BCAR3: variants seen among roughly 807,000 people sequenced by gnomAD.
BCAR3 encodes the protein BCAR3 adaptor protein, NSP family member, also known as breast cancer anti-estrogen resistance protein 3.
BCAR3 carries 37 observed loss-of-function variants against 80.1 expected under a neutral mutation model. The observed-to-expected ratio is 0.46, with a 90% CI of 0.36 to 0.61. The LOEUF (loss-of-function observed/expected upper bound fraction) is 0.61. BCAR3 is among the 20% of genes least tolerant of loss of function. The pLI is 0.00. For missense variants in BCAR3, 978 were observed against 1,068.2 expected (o/e 0.92, Z 1.18); for synonymous variants, 389 against 418.9 (o/e 0.93, Z 0.87).
chr1:93,663,868 T>C (rs1647774217), intron 2 of BCAR3, among the ~76,000 whole-genome samples: 1 of 152,228 alleles, frequency 6.6e-6, no homozygotes, highest in Non-Finnish European at 1.5e-5. Flanking sequence ...GCTATCTGGA[T>C]GGCCACATAC....
intron 2 of BCAR3, among the ~76,000 whole-genome samples, chr1:93,708,089 A>T (rs1649886718): frequency 6.6e-6 from 1 of 152,180 alleles, no homozygotes; most frequent in Non-Finnish European, 1.5e-5. Flanking sequence ...AGGTTTCAAG[A>T]AGGAAATGGA....
intron 2 of BCAR3, among the ~76,000 whole-genome samples, chr1:93,819,373 A>AT (rs1247254688): frequency 3.9e-5 from 6 of 152,282 alleles, no homozygotes; most frequent in Admixed American, 3.3e-4. Context: ...CGGGTCGCCC[A>AT]TTTTAAACTG....
intron 2 of BCAR3, among the ~76,000 whole-genome samples, chr1:93,769,346 TG>T (rs1652268972): frequency 6.8e-6 from 1 of 147,392 alleles, no homozygotes; most frequent in African/African-American, 2.5e-5. Flanking sequence ...ACTAAATATG[TG>T]GGTAGGAATG....
At chr1:93,765,855 T>TG (rs1232978083) in intron 2 of BCAR3, among the ~76,000 whole-genome samples, 1 of 151,922 alleles carries the variant, frequency 6.6e-6, no homozygotes, top group African/African-American at 2.4e-5. Flanking sequence ...TTAGTAGAGA[T>TG]GGGGTTTCAC....
intron 2 of BCAR3, among the ~76,000 whole-genome samples, chr1:93,742,372 A>G (rs774681107): frequency 6.6e-6 from 1 of 152,216 alleles, no homozygotes; most frequent in Non-Finnish European, 1.5e-5. Context: ...GTGGAAAACT[A>G]CAGTTCAAAG....
At chr1:93,749,100 A>G (rs12076307) in intron 2 of BCAR3, among the ~76,000 whole-genome samples, 27,069 of 151,932 alleles carry the variant, frequency 0.18, 3,491 homozygotes, top group African/African-American at 0.36. Context: ...CTTCAACAAA[A>G]CAAATAATGG....
intron 2 of BCAR3, among the ~76,000 whole-genome samples, chr1:93,841,033 A>G (rs1331972171): frequency 6.6e-6 from 1 of 152,112 alleles, no homozygotes; most frequent in Non-Finnish European, 1.5e-5. Context: ...CACACAGAAA[A>G]TTATAGAGCT....
chr1:93,579,659 A>T (rs909959217), intron 7 of BCAR3, among the ~76,000 whole-genome samples: 1 of 152,122 alleles, frequency 6.6e-6, no homozygotes, highest in Non-Finnish European at 1.5e-5. Flanking sequence ...GCAGGCAGGC[A>T]TCTCTCCTCC....
At chr1:93,798,752 T>C (rs1034037003) in intron 2 of BCAR3, among the ~76,000 whole-genome samples, 4 of 152,196 alleles carry the variant, frequency 2.6e-5, no homozygotes, top group African/African-American at 4.8e-5. Context: ...ACTTATCCTT[T>C]AGATATGATC....
chr1:93,777,408 CTCCTCT>C (rs1421840083), intron 2 of BCAR3, among the ~76,000 whole-genome samples: 5 of 132,740 alleles, frequency 3.8e-5, no homozygotes, highest in South Asian at 2.3e-4. Context: ...CCTCTTCCTC[CTCCTCT>C]TCCTCCTCCT....
At chr1:93,655,055 TTGAG>T (rs1647308443) in intron 2 of BCAR3, among the ~76,000 whole-genome samples, 1 of 152,188 alleles carries the variant, frequency 6.6e-6, no homozygotes, top group Non-Finnish European at 1.5e-5. Context: ...TGCTGGATTC[TTGAG>T]TAAGAGAACA....
intron 3 of BCAR3, among the ~76,000 whole-genome samples, chr1:93,617,566 C>T (rs1379498462): frequency 6.6e-6 from 1 of 152,190 alleles, no homozygotes; most frequent in East Asian, 1.9e-4. Flanking sequence ...CACCAGTAAT[C>T]GTGATCAGAA....
chr1:93,566,468 C>T (rs778405936), intron 11 of BCAR3, among the ~76,000 whole-genome samples: 19 of 152,134 alleles, frequency 1.2e-4, no homozygotes, highest in Non-Finnish European at 2.5e-4. Context: ...CGCGCGCATG[C>T]CACATGTGTG....
intron 9 of BCAR3, 113 bp from the exon 10 acceptor site, chr1:93,567,964 A>G (rs924597399): frequency 1.3e-6 from 1 of 770,926 alleles, no homozygotes; most frequent in Non-Finnish European, 2.2e-6. Context: ...AGGCGGGTGG[A>G]TCACTTGAGG....
intron 3 of BCAR3, among the ~76,000 whole-genome samples, chr1:93,603,222 G>T (rs1674675672): frequency 6.6e-6 from 1 of 152,236 alleles, no homozygotes; most frequent in African/African-American, 2.4e-5. Flanking sequence ...GTGAACGTGG[G>T]CAATTGGGCA....
Position 93,578,231 on chromosome 1 carries a change from G to A in BCAR3, c.1687-2102C>T, listed in dbSNP as rs1182318565. 2.0e-5 allele frequency among the ~76,000 whole-genome samples: 3 copies of A among 152,140 alleles called. 1 individual carries two copies. The highest frequency in any genetic ancestry group is 2.0e-4 in the Admixed American group (3 of 15,282). On this transcript the variant is annotated intron_variant, in intron 7 of 11. Coordinates refer to ENST00000260502, the MANE Select transcript of BCAR3 (RefSeq NM_003567.4). ...AGAGCCCTGATGGGGTCCCGGCCCA[G>A]CCCTCCTCCCAGCCGCAAGGGCCTT...
intron 2 of BCAR3, among the ~76,000 whole-genome samples, chr1:93,789,278 T>C (rs1414934372): frequency 1.3e-5 from 2 of 152,340 alleles, no homozygotes; most frequent in East Asian, 3.9e-4. Context: ...ACCCAACCTA[T>C]TAAAATACTG....
rs1673846255 is a variant in BCAR3, at chr1:93,584,171, A to G, written c.930-50T>C. 5 of 1,559,650 alleles carry G rather than the reference A, an allele frequency of 3.2e-6. No homozygotes were observed. In the East Asian group the frequency reaches 1.1e-4, roughly 35 times the overall value. The stretch of plus-strand genomic sequence containing the variant: ...GAAATGTGTTACTAACGTGTAAAAT[A>G]AAACTTTTAGGCAATGCCATGGGAA... On this transcript the variant is annotated intron_variant, in intron 5 of 11. Transcript: ENST00000260502.
intron 2 of BCAR3, among the ~76,000 whole-genome samples, chr1:93,776,212 G>T (rs539487998): frequency 6.6e-6 from 1 of 152,132 alleles, no homozygotes; most frequent in Admixed American, 6.5e-5. Flanking sequence ...TAAACATACT[G>T]CATGTTAATT....
Sources: gnomAD v4.1 joint callset for allele counts (sites outside exome capture counted in the v4.1 genomes callset) on GRCh38, gnomAD v4.1.1 for gene constraint, MANE v1.5 for transcripts, NCBI Gene and HGNC (gene_info 2026-07-23, HGNC 2026-07-21) for gene names.